The following BTBD9 variants were observed in gnomAD, a reference collection of about 807,000 sequenced individuals.
BTBD9 encodes the protein BTB/POZ domain-containing protein 9.
In BTBD9, 49 loss-of-function variants were observed where a neutral mutation model predicts 64.3. The observed-to-expected ratio is 0.76, with a 90% CI of 0.61 to 0.97. The LOEUF is 0.97. Among genes scored for constraint, BTBD9 ranks in the 50% least tolerant of loss-of-function variants. The pLI, the probability that BTBD9 is intolerant of heterozygous loss-of-function variation, is 0.00. For missense variants in BTBD9, 598 were observed against 762.1 expected (o/e 0.78, Z 2.53); for synonymous variants, 260 against 274.7 (o/e 0.95, Z 0.53).
chr6:38,546,869 T>C (rs1774573888), intron 6 of BTBD9, among the ~76,000 whole-genome samples: 1 of 152,110 alleles, frequency 6.6e-6, no homozygotes, highest in Non-Finnish European at 1.5e-5. Context: ...GGTTTCATCA[T>C]GTTGGTCAGA....
intron 9 of BTBD9, among the ~76,000 whole-genome samples, chr6:38,226,349 C>T (rs1462081866): frequency 6.6e-6 from 1 of 152,180 alleles, no homozygotes; most frequent in Non-Finnish European, 1.5e-5. Context: ...AGGCAGGACT[C>T]AGCAGCTCTT....
chr6:38,572,279 A>G (rs987961919), intron 6 of BTBD9, among the ~76,000 whole-genome samples: 2 of 152,196 alleles, frequency 1.3e-5, no homozygotes, highest in Admixed American at 6.5e-5. Context: ...ACAATAGCAT[A>G]AAGTAGGCGC....
intron 6 of BTBD9, among the ~76,000 whole-genome samples, chr6:38,371,764 T>C (rs1464157754): frequency 6.6e-6 from 1 of 152,172 alleles, no homozygotes; most frequent in Non-Finnish European, 1.5e-5. Context: ...CATGGACCCA[T>C]AGTGAGTCCA....
chr6:38,371,185 C>T (rs1005535404), intron 6 of BTBD9, among the ~76,000 whole-genome samples: 3 of 152,160 alleles, frequency 2.0e-5, no homozygotes, highest in Non-Finnish European at 2.9e-5. Flanking sequence ...TTTAATGGGT[C>T]TCAGCAGTAT....
intron 7 of BTBD9, among the ~76,000 whole-genome samples, chr6:38,341,411 G>A (rs1302631182): frequency 2.0e-5 from 3 of 152,164 alleles, no homozygotes; most frequent in African/African-American, 7.2e-5. Context: ...AATCTGATAG[G>A]AACAAAGTAG....
At chr6:38,398,239 G>A (rs1159563840) in intron 6 of BTBD9, among the ~76,000 whole-genome samples, 1 of 152,144 alleles carries the variant, frequency 6.6e-6, no homozygotes, top group Non-Finnish European at 1.5e-5. Flanking sequence ...TATATTAAAT[G>A]ACTTCTCTAG....
At position 38,303,951 on chromosome 6, in the gene BTBD9, G is replaced by A. The variant is rs908644776; in HGVS notation, c.1265-15490C>T. 1.1e-3 allele frequency among the ~76,000 whole-genome samples: 148 copies of A among 131,370 alleles called. 1 individual carries two copies. The highest frequency in any genetic ancestry group is 5.5e-3 in the South Asian group (24 of 4,392). The allele number at this position is 131,370 out of a possible 152,430, so 86.2% of individuals were successfully genotyped here. A position where few individuals can be genotyped will look rare whatever the true frequency, so the allele number is the denominator to read the frequency against. ...TATACACGTGTGTGTGTGTGTGTGT[G>A]TATATATATATATATGTGCTGGTGA... On this transcript the variant is annotated intron_variant, in intron 7 of 10. Transcript: ENST00000481247.
intron 9 of BTBD9, among the ~76,000 whole-genome samples, chr6:38,200,873 T>TA (rs1762439149): frequency 6.6e-6 from 1 of 151,914 alleles, no homozygotes; most frequent in African/African-American, 2.4e-5. Flanking sequence ...CAAACTATTC[T>TA]AAAAAATTAG....
chr6:38,459,191 G>A (rs1042394000), intron 6 of BTBD9, among the ~76,000 whole-genome samples: 1 of 151,984 alleles, frequency 6.6e-6, no homozygotes, highest in Non-Finnish European at 1.5e-5. Context: ...GCTAATTTTT[G>A]TATTTTTAGT....
chr6:38,319,533 C>A (rs1030505721), intron 7 of BTBD9, among the ~76,000 whole-genome samples: 1 of 151,954 alleles, frequency 6.6e-6, no homozygotes. Flanking sequence ...GGGTCCTTCC[C>A]GTCAGGGCAG....
At chr6:38,536,789 G>C (rs554550687) in intron 6 of BTBD9, among the ~76,000 whole-genome samples, 1 of 152,278 alleles carries the variant, frequency 6.6e-6, no homozygotes, top group African/African-American at 2.4e-5. Context: ...CGTGGAGATA[G>C]AAAGTAGAAT....
chr6:38,290,552 T>A (rs1561979719), intron 7 of BTBD9, among the ~76,000 whole-genome samples: 1 of 152,138 alleles, frequency 6.6e-6, no homozygotes, highest in Non-Finnish European at 1.5e-5. Context: ...TCACTCACCC[T>A]ATGTATTCAG....
chr6:38,524,975 G>A (rs1215181027), intron 6 of BTBD9, among the ~76,000 whole-genome samples: 2 of 152,140 alleles, frequency 1.3e-5, no homozygotes, highest in African/African-American at 4.8e-5. Flanking sequence ...CAGGCCCTTT[G>A]AGATGACTCA....
At chr6:38,404,413 C>A (rs1198153181) in intron 6 of BTBD9, among the ~76,000 whole-genome samples, 1 of 152,120 alleles carries the variant, frequency 6.6e-6, no homozygotes, top group Non-Finnish European at 1.5e-5. Context: ...TTACTTGATA[C>A]AGAAGTAGAA....
chr6:38,174,899 C>A lies in BTBD9; in HGVS notation c.*86G>T. ...CCCTGGAAAGGGGCAGAGGTGGGGG[C>A]AGTCAACAGAGACCCCTGCTCAGGG... On this transcript the variant is annotated 3_prime_UTR_variant, in exon 11 of 11. Transcript: ENST00000481247. 6.7e-7 allele frequency: 1 copy of A among 1,486,378 alleles called. No individual in the cohort carries two copies. The highest frequency in any genetic ancestry group is 9.2e-7 in the Non-Finnish European group (1 of 1,089,024). The allele number at this position is 1,486,378 out of a possible 1,614,324, so 92.1% of individuals were successfully genotyped here.
chr6:38,273,635 C>A (rs1390870212), intron 8 of BTBD9, among the ~76,000 whole-genome samples: 1 of 152,106 alleles, frequency 6.6e-6, no homozygotes, highest in Non-Finnish European at 1.5e-5. Context: ...GATGACCATA[C>A]CAGAGAATCA....
intron 6 of BTBD9, among the ~76,000 whole-genome samples, chr6:38,347,833 C>T (rs540912484): frequency 1.3e-3 from 195 of 152,122 alleles, no homozygotes; most frequent in Non-Finnish European, 2.3e-3. Context: ...CCCATCTCTA[C>T]TAAAAATACA....
At chr6:38,454,913 A>G (rs972043619) in intron 6 of BTBD9, among the ~76,000 whole-genome samples, 1 of 152,206 alleles carries the variant, frequency 6.6e-6, no homozygotes, top group African/African-American at 2.4e-5. Flanking sequence ...CAACATTATC[A>G]GCTTAAAGAA....
intron 10 of BTBD9, among the ~76,000 whole-genome samples, chr6:38,187,801 G>A (rs189983841): frequency 6.0e-4 from 92 of 152,314 alleles, no homozygotes; most frequent in African/African-American, 2.1e-3. Context: ...AAATGAATTC[G>A]TTGCTGCGGT....
Sources: allele counts gnomAD v4.1 joint callset (sites outside exome capture counted in the v4.1 genomes callset), GRCh38; gene constraint gnomAD v4.1.1; transcripts MANE v1.5; gene names NCBI Gene and HGNC (gene_info 2026-07-23, HGNC 2026-07-21).